The following FAF1 variants were observed in gnomAD, a reference collection of about 807,000 sequenced individuals.
The protein encoded by FAF1 is FAS-associated factor 1.
FAF1 carries 25 observed loss-of-function variants against 92.5 expected under a neutral mutation model. That is an observed-to-expected ratio of 0.27 (90% confidence interval 0.20 to 0.38). The LOEUF (loss-of-function observed/expected upper bound fraction) is 0.38. Among genes scored for constraint, FAF1 ranks in the 10% least tolerant of loss-of-function variants. The pLI is 1.00. For missense variants in FAF1, 636 were observed against 793.3 expected (o/e 0.80, Z 2.38); for synonymous variants, 234 against 273.2 (o/e 0.86, Z 1.42).
intron 7 of FAF1, among the ~76,000 whole-genome samples, chr1:50,672,523 T>G (rs2124343679): frequency 6.6e-6 from 1 of 152,196 alleles, no homozygotes; most frequent in South Asian, 2.1e-4. Flanking sequence ...ATTCAAACAA[T>G]CTGCCTACCT....
intron 13 of FAF1, among the ~76,000 whole-genome samples, chr1:50,558,395 G>A (rs1439688783): frequency 6.6e-6 from 1 of 152,008 alleles, no homozygotes; most frequent in Non-Finnish European, 1.5e-5. Context: ...TGGGGTCGGG[G>A]GACGGGTTAC....
At chr1:50,708,999 T>C (rs1030165883) in intron 6 of FAF1, among the ~76,000 whole-genome samples, 1 of 152,164 alleles carries the variant, frequency 6.6e-6, no homozygotes, top group African/African-American at 2.4e-5. Flanking sequence ...ATGATCAATA[T>C]ATGTATGTTG....
At position 50,740,420 on chromosome 1, in the gene FAF1, TA is replaced by T. The variant is rs1659335562; in HGVS notation, c.460-1467del. On this transcript the variant is annotated intron_variant, in intron 5 of 18. Coordinates refer to ENST00000396153, the MANE Select transcript of FAF1 (RefSeq NM_007051.3). ...GCATGGAACATATGGAACTTATTCT[TA>T]ACCCCTCCATGAGAGGACCCAGCTT... is the stretch of plus-strand genomic sequence containing the variant. 3.3e-5 allele frequency among the ~76,000 whole-genome samples: 5 copies of T among 152,284 alleles called. No homozygotes were observed. The South Asian group carries it at 1.0e-3, about 32-fold the overall frequency.
At chr1:50,915,627 AT>A (rs879566778) in intron 1 of FAF1, among the ~76,000 whole-genome samples, 155 of 146,642 alleles carry the variant, frequency 1.1e-3, no homozygotes, top group Middle Eastern at 3.6e-3. Context: ...AAAATAGGAG[AT>A]TTTTTTTTTT....
intron 7 of FAF1, among the ~76,000 whole-genome samples, chr1:50,691,657 T>G (rs1253713093): frequency 6.6e-6 from 1 of 151,808 alleles, no homozygotes; most frequent in South Asian, 2.1e-4. Context: ...AATGGCGCGA[T>G]CTCGGCTTAC....
intron 9 of FAF1, among the ~76,000 whole-genome samples, chr1:50,593,006 AAG>A (rs1285103596): frequency 6.6e-6 from 1 of 152,108 alleles, no homozygotes; most frequent in Non-Finnish European, 1.5e-5. Context: ...GTAGAACCGG[AAG>A]ACAGCAGTAG....
intron 1 of FAF1, among the ~76,000 whole-genome samples, chr1:50,873,776 G>A (rs1033678402): frequency 3.3e-5 from 5 of 152,186 alleles, no homozygotes; most frequent in South Asian, 4.1e-4. Flanking sequence ...GCCCTGCTCC[G>A]CAAGGTGGCA....
chr1:50,911,405 C>T (rs1183911905), intron 1 of FAF1, among the ~76,000 whole-genome samples: 1 of 150,452 alleles, frequency 6.6e-6, no homozygotes, highest in Non-Finnish European at 1.5e-5. Flanking sequence ...TTGAGAAAAA[C>T]TTCTTCCTGG....
chr1:50,740,922 T>C (rs929465607), intron 5 of FAF1, among the ~76,000 whole-genome samples: 2 of 152,210 alleles, frequency 1.3e-5, no homozygotes, highest in Admixed American at 1.3e-4. Context: ...TGCCATTTGA[T>C]CATTATTGTT....
intron 14 of FAF1, among the ~76,000 whole-genome samples, chr1:50,538,748 C>A (rs1410892151): frequency 2.0e-5 from 3 of 152,106 alleles, no homozygotes; most frequent in Non-Finnish European, 4.4e-5. Context: ...ATCAGTTCCC[C>A]TGGAGGTCTT....
At chr1:50,606,582 C>T (rs1427566563) in intron 8 of FAF1, among the ~76,000 whole-genome samples, 2 of 147,866 alleles carry the variant, frequency 1.4e-5, no homozygotes, top group Non-Finnish European at 1.5e-5. Context: ...TCACCACAAC[C>T]TCCGCCTCCC....
At chr1:50,652,183 G>C (rs1037552398) in intron 8 of FAF1, among the ~76,000 whole-genome samples, 4 of 152,190 alleles carry the variant, frequency 2.6e-5, no homozygotes, top group African/African-American at 7.2e-5. Flanking sequence ...TCTTGTGTTT[G>C]CTGTGACTTA....
At chr1:50,736,375 T>C (rs189694395) in intron 6 of FAF1, among the ~76,000 whole-genome samples, 5 of 152,318 alleles carry the variant, frequency 3.3e-5, no homozygotes, top group Non-Finnish European at 7.3e-5. Flanking sequence ...ACAAAGCAAG[T>C]TTATCTGTCT....
chr1:50,581,335 T>C (rs1373659370), intron 12 of FAF1, among the ~76,000 whole-genome samples: 2 of 152,212 alleles, frequency 1.3e-5, no homozygotes, highest in East Asian at 3.8e-4. Context: ...TGAATTTTTC[T>C]TTGTATCAGA....
At chr1:50,815,861 T>G (rs1643966771) in intron 2 of FAF1, among the ~76,000 whole-genome samples, 1 of 151,966 alleles carries the variant, frequency 6.6e-6, no homozygotes, top group South Asian at 2.1e-4. Flanking sequence ...CTGTCTCTAC[T>G]AAAAATACCA....
chr1:50,562,921 TTG>T (rs1054928533), intron 13 of FAF1, among the ~76,000 whole-genome samples: 1 of 152,196 alleles, frequency 6.6e-6, no homozygotes, highest in African/African-American at 2.4e-5. Context: ...CAGAAAAAAA[TTG>T]TGTCTATACT....
At chr1:50,906,150 T>C (rs1375062757) in intron 1 of FAF1, among the ~76,000 whole-genome samples, 1 of 152,150 alleles carries the variant, frequency 6.6e-6, no homozygotes, top group Admixed American at 6.5e-5. Context: ...TTTCCCCATT[T>C]CTTGTTTTTA....
chr1:50,446,160 A>G (rs1304056195), intron 18 of FAF1, among the ~76,000 whole-genome samples: 3 of 152,130 alleles, frequency 2.0e-5, no homozygotes, highest in African/African-American at 4.8e-5. Context: ...TAGAAGGGCG[A>G]TCTAAAGCTT....
chr1:50,676,773 G>C (rs1656140754), intron 7 of FAF1, among the ~76,000 whole-genome samples: 1 of 152,168 alleles, frequency 6.6e-6, no homozygotes, highest in Non-Finnish European at 1.5e-5. Flanking sequence ...AGTGAGCCAA[G>C]ATCCTGCCAC....
Sources: gnomAD v4.1 joint callset for allele counts (sites outside exome capture counted in the v4.1 genomes callset) on GRCh38, gnomAD v4.1.1 for gene constraint, MANE v1.5 for transcripts, NCBI Gene and HGNC (gene_info 2026-07-23, HGNC 2026-07-21) for gene names.